The following IL2RA variants were observed in gnomAD, a reference collection of about 807,000 sequenced individuals.
IL2RA encodes interleukin 2 receptor subunit alpha.
Under a neutral mutation model 37.8 loss-of-function variants are expected in IL2RA, and 24 were observed. The observed-to-expected ratio is 0.63, with a 90% CI of 0.46 to 0.89. The LOEUF is 0.89. Among genes scored for constraint, IL2RA ranks in the 40% least tolerant of loss-of-function variants. The pLI, the probability that IL2RA is intolerant of heterozygous loss-of-function variation, is 0.00. For missense variants in IL2RA, 319 were observed against 348.6 expected, an observed-to-expected ratio of 0.92 and a Z score of 0.68; for synonymous variants, 125 against 114.6, an observed-to-expected ratio of 1.09 and a Z score of -0.58.
chr10:6,024,425 A>G (rs753848613), intron 2 of IL2RA, 71 bp from the exon 3 acceptor site: 3 of 1,149,392 alleles, frequency 2.6e-6, no homozygotes, highest in Non-Finnish European at 3.9e-6. Context: ...TCATGTATTC[A>G]TTCACTTGAG....
chr10:6,019,133 TACCA>T (rs1172210360), intron 6 of IL2RA, among the ~76,000 whole-genome samples: 2 of 142,792 alleles, frequency 1.4e-5, no homozygotes, highest in African/African-American at 2.9e-5. Context: ...CCAACCAACC[TACCA>T]ACCAACTAAC....
In IL2RA at chr10:6,015,372, C is replaced by T. The variant is rs573613334; in HGVS notation, c.795-2476G>A. ...CCTCCCAAAGTGCTGGGATTACAAG[C>T]GTGAGTCTGGCCAGCTTCCCTGATT... On this transcript the variant is annotated intron_variant, in intron 7 of 7. Transcript: ENST00000379959. This position sits in a 1 kb window ranked among gnomAD's most constrained non-coding sequence, Gnocchi z 4.9. Among the ~76,000 whole-genome samples the T allele has an allele frequency of 2.6e-5, 4 of 152,228 alleles. No homozygotes were observed. Among genetic ancestry groups the T allele is most frequent in the East Asian group, 3.9e-4 (2 of 5,184 alleles).
At chr10:6,055,206 T>C (rs894299757) in intron 1 of IL2RA, among the ~76,000 whole-genome samples, 1 of 152,204 alleles carries the variant, frequency 6.6e-6, no homozygotes, top group Non-Finnish European at 1.5e-5. Context: ...GATTTCTAAA[T>C]GCATTAAAGG....
rs1839302093 is a variant in IL2RA, at chr10:6,017,626, A to G, written c.794+427T>C. On this transcript the variant is annotated intron_variant, in intron 7 of 7. Coordinates refer to ENST00000379959, the MANE Select transcript of IL2RA (RefSeq NM_000417.3). ...AGTCTTGCTCTGTCACCCAGGCTGG[A>G]GTGCAGTGGTGAGATTTCTGTTCAC... is the stretch of plus-strand genomic sequence containing the variant. 2.5e-5 allele frequency among the ~76,000 whole-genome samples: 3 copies of G among 119,240 alleles called. No individual in the cohort carries two copies. In the South Asian group the frequency reaches 9.2e-4, roughly 37 times the overall value. 78.2% of individuals were successfully genotyped at this position (119,240 alleles called of 152,430 possible).
Position 6,025,764 on chromosome 10 carries a change from A to C in IL2RA, c.256+70T>G. 2 of 1,476,034 alleles carry C rather than the reference A, an allele frequency of 1.4e-6. No homozygotes were observed. Among genetic ancestry groups the C allele is most frequent in the Middle Eastern group, 1.9e-4 (1 of 5,178 alleles). The allele number at this position is 1,476,034 out of a possible 1,614,324, so 91.4% of individuals were successfully genotyped here. A position where few individuals can be genotyped will look rare whatever the true frequency, so the allele number is the denominator to read the frequency against. ...TTTGTGTCTATAGGGCTGAGTGAAC[A>C]AAAGCTGGGCTCTGTCTCACTCTTT... On this transcript the variant is annotated intron_variant, in intron 2 of 7. Transcript: ENST00000379959. This position sits in a 1 kb window ranked among gnomAD's most constrained non-coding sequence, Gnocchi z 4.4.
rs148605344 is a variant in IL2RA, at chr10:6,040,856, G to A, written c.65-14831C>T. ...ATTAAGTACTTAGAAAACCCAAGAC[G>A]GTTAAAGTATTAGAACTATTAAGAG... On this transcript the variant is annotated intron_variant, in intron 1 of 7. Coordinates refer to ENST00000379959, the MANE Select transcript of IL2RA (RefSeq NM_000417.3). 5.9e-5 allele frequency among the ~76,000 whole-genome samples: 9 copies of A among 152,236 alleles called. No homozygotes were observed. In the East Asian group the frequency reaches 1.3e-3, roughly 23 times the overall value.
At position 6,044,512 on chromosome 10, in the gene IL2RA, G is replaced by A. The variant is rs576327284; in HGVS notation, c.64+17576C>T. ...CACTGCTATGGAAAGGAGCAGGAAC[G>A]CCTGGGTGTTGCCATGGCAATGGTA... On this transcript the variant is annotated intron_variant, in intron 1 of 7. Coordinates refer to ENST00000379959, the MANE Select transcript of IL2RA (RefSeq NM_000417.3). This position sits in a 1 kb window ranked among gnomAD's most constrained non-coding sequence, Gnocchi z 4.5. Among the ~76,000 whole-genome samples the A allele has an allele frequency of 1.3e-5, 2 of 152,262 alleles. No individual in the cohort carries two copies. The highest frequency in any genetic ancestry group is 4.1e-4 in the South Asian group (2 of 4,820).
intron 1 of IL2RA, among the ~76,000 whole-genome samples, chr10:6,026,927 A>G (rs4607966): frequency 0.99 from 150,867 of 152,228 alleles, 74,776 homozygotes; most frequent in Middle Eastern, 1. Context: ...CATTCAGGTT[A>G]AGTGAAGCTT....
rs10905656 is a variant in IL2RA, at chr10:6,044,130, C to T, written c.64+17958G>A. 1.4e-3 allele frequency among the ~76,000 whole-genome samples: 218 copies of T among 152,144 alleles called. 1 individual carries two copies. Among genetic ancestry groups the T allele is most frequent in the Admixed American group, 4.6e-3 (70 of 15,286 alleles). On this transcript the variant is annotated intron_variant, in intron 1 of 7. Transcript: ENST00000379959. This position sits in a 1 kb window ranked among gnomAD's most constrained non-coding sequence, Gnocchi z 4.5. ...CCTCTCAGTCCTCAGCAGCTGAATT[C>T]AACACAATGATTAAGCCTAGAGCAT...
In IL2RA at chr10:6,058,893, T is replaced by C. The variant is rs1840086043; in HGVS notation, c.64+3195A>G. ...AGAGACTAAAAACACTCAAGTTGACTAATATGTCCTCATAAACCCTTGCCA... is the reference window on the plus strand; with the variant it reads ...AGAGACTAAAAACACTCAAGTTGACCAATATGTCCTCATAAACCCTTGCCA... On this transcript the variant is annotated intron_variant, in intron 1 of 7. Coordinates refer to ENST00000379959, the MANE Select transcript of IL2RA (RefSeq NM_000417.3). This position sits in a 1 kb window ranked among gnomAD's most constrained non-coding sequence, Gnocchi z 4.2. Among the ~76,000 whole-genome samples the C allele has an allele frequency of 6.6e-6, 1 of 152,184 alleles. No homozygotes were observed. The highest frequency in any genetic ancestry group is 1.5e-5 in the Non-Finnish European group (1 of 68,024).
At chr10:6,051,362 G>A (rs867866218) in intron 1 of IL2RA, among the ~76,000 whole-genome samples, 4 of 151,960 alleles carry the variant, frequency 2.6e-5, no homozygotes, top group South Asian at 2.1e-4. Flanking sequence ...CTTTAACTCC[G>A]GGGACTTCAA....
In IL2RA at chr10:6,020,592, G is replaced by A. The variant is rs189249226; in HGVS notation, c.584-651C>T. ...GCTGTTGCCCAGGCTGGAGTGCAGT[G>A]GTGTGATCTCAGCTCACTGCAACTC... is the stretch of plus-strand genomic sequence containing the variant. On this transcript the variant is annotated intron_variant, in intron 4 of 7. Transcript: ENST00000379959. The surrounding 1 kb of genome is among the most constrained non-coding windows in gnomAD (Gnocchi z 5.6). 5.3e-5 allele frequency among the ~76,000 whole-genome samples: 8 copies of A among 151,998 alleles called. No individual in the cohort carries two copies. In the East Asian group the frequency reaches 1.5e-3, roughly 29 times the overall value.
At position 6,057,704 on chromosome 10, in the gene IL2RA, T is replaced by C. The variant is rs1465338919; in HGVS notation, c.64+4384A>G. ...TCATTTCCTGAGGGAATTCTCTCTTTTTCTGTAAAGTTTCTGCTCATCCTT... is the reference window on the plus strand; with the variant it reads ...TCATTTCCTGAGGGAATTCTCTCTTCTTCTGTAAAGTTTCTGCTCATCCTT... On this transcript the variant is annotated intron_variant, in intron 1 of 7. Coordinates refer to ENST00000379959, the MANE Select transcript of IL2RA (RefSeq NM_000417.3). This position sits in a 1 kb window ranked among gnomAD's most constrained non-coding sequence, Gnocchi z 4.8. Among the ~76,000 whole-genome samples, 1 of 152,178 alleles carries C rather than the reference T, an allele frequency of 6.6e-6. No homozygotes were observed. Among genetic ancestry groups the C allele is most frequent in the Non-Finnish European group, 1.5e-5 (1 of 68,034 alleles).
chr10:6,053,034 T>C (rs1378861388), intron 1 of IL2RA, among the ~76,000 whole-genome samples: 1 of 152,200 alleles, frequency 6.6e-6, no homozygotes, highest in Non-Finnish European at 1.5e-5. Context: ...CGCGGCTCTG[T>C]GGGTACCGCC....
At chr10:6,037,776 C>G (rs1371621469) in intron 1 of IL2RA, among the ~76,000 whole-genome samples, 3 of 152,106 alleles carry the variant, frequency 2.0e-5, no homozygotes, top group South Asian at 2.1e-4. Context: ...AGAATTCCTC[C>G]CAGACCCCTA....
chr10:6,025,434 T>C lies in IL2RA; in HGVS notation c.256+400A>G, dbSNP rs750604796. On this transcript the variant is annotated intron_variant, in intron 2 of 7. Transcript: ENST00000379959. The surrounding 1 kb of genome is among the most constrained non-coding windows in gnomAD (Gnocchi z 4.4). ...ATTTTGGGTGGCTGAGATGGGCAGA[T>C]TACTCAAGGTCAGGAGTTTGAGACC... 1.4e-4 allele frequency among the ~76,000 whole-genome samples: 21 copies of C among 150,796 alleles called. No individual in the cohort carries two copies. Among genetic ancestry groups the C allele is most frequent in the Non-Finnish European group, 2.8e-4 (19 of 67,794 alleles).
Position 6,028,707 on chromosome 10 carries a change from G to A in IL2RA, c.65-2682C>T, listed in dbSNP as rs555975369. Among the ~76,000 whole-genome samples, 1 of 152,294 alleles carries A rather than the reference G, an allele frequency of 6.6e-6. No individual in the cohort carries two copies. Among genetic ancestry groups the A allele is most frequent in the South Asian group, 2.1e-4 (1 of 4,830 alleles). On this transcript the variant is annotated intron_variant, in intron 1 of 7. Coordinates refer to ENST00000379959, the MANE Select transcript of IL2RA (RefSeq NM_000417.3). The surrounding 1 kb of genome is among the most constrained non-coding windows in gnomAD (Gnocchi z 4.1). The stretch of plus-strand genomic sequence containing the variant: ...CTCAAAAAAGTGCTCAATAGAAACA[G>A]ACCCGTAAAATTGGGTGTGGTGGCT...
chr10:6,041,098 T>A (rs1234663527), intron 1 of IL2RA, among the ~76,000 whole-genome samples: 1 of 151,674 alleles, frequency 6.6e-6, no homozygotes, highest in Non-Finnish European at 1.5e-5. Context: ...CTTTGAGAAC[T>A]TAAAGGGTGA....
In IL2RA at chr10:6,014,813, A is replaced by C. The variant is rs1204636690; in HGVS notation, c.795-1917T>G. 6.6e-6 allele frequency among the ~76,000 whole-genome samples: 1 copy of C among 152,202 alleles called. No homozygotes were observed. Among genetic ancestry groups the C allele is most frequent in the Non-Finnish European group, 1.5e-5 (1 of 68,040 alleles). On this transcript the variant is annotated intron_variant, in intron 7 of 7. Transcript: ENST00000379959. The surrounding 1 kb of genome is among the most constrained non-coding windows in gnomAD (Gnocchi z 4.4). ...GGGGCTTATCATTTGCACTGCAGTA[A>C]TTTATACTTTTTAATTCCCATGAGG...
Sources: gnomAD v4.1 joint callset for allele counts (sites outside exome capture counted in the v4.1 genomes callset) on GRCh38, gnomAD v4.1.1 for gene constraint, Gnocchi (gnomAD v3.1) non-coding constraint, MANE v1.5 for transcripts, NCBI Gene and HGNC (gene_info 2026-07-23, HGNC 2026-07-21) for gene names.